Variants in RYR3 observed in about 807,000 individuals in gnomAD.
RYR3 encodes brain ryanodine receptor-calcium release channel.
In RYR3, 207 loss-of-function variants were observed where a neutral mutation model predicts 584.3. The observed-to-expected ratio is 0.35, with a 90% CI of 0.32 to 0.40. The LOEUF is 0.40. RYR3 is among the 10% of genes least tolerant of loss of function. The probability of loss-of-function intolerance (pLI) is 1.00; values close to 1 mark genes in which losing one functional copy is unlikely to be tolerated. For missense variants in RYR3, 5,616 were observed against 6,089.2 expected, an observed-to-expected ratio of 0.92 and a Z score of 2.59; for synonymous variants, 2,416 against 2,248.5, an observed-to-expected ratio of 1.07 and a Z score of -2.11.
At chr15:33,461,047 C>G (rs962316456) in intron 1 of RYR3, among the ~76,000 whole-genome samples, 1 of 149,684 alleles carries the variant, frequency 6.7e-6, no homozygotes, top group Non-Finnish European at 1.5e-5. Context: ...CGGGTTCACG[C>G]CATTCTCCTG....
intron 1 of RYR3, among the ~76,000 whole-genome samples, chr15:33,346,335 A>G (rs1972458526): frequency 6.6e-6 from 1 of 152,228 alleles, no homozygotes; most frequent in Non-Finnish European, 1.5e-5. Context: ...TTGTGTCTAC[A>G]TACTGACCTC....
At chr15:33,657,532 A>C (rs1013066968) in intron 32 of RYR3, among the ~76,000 whole-genome samples, 2 of 152,328 alleles carry the variant, frequency 1.3e-5, no homozygotes, top group African/African-American at 4.8e-5. Flanking sequence ...CAGCCCAGGG[A>C]CGACTCCTGC....
intron 70 of RYR3, among the ~76,000 whole-genome samples, chr15:33,808,133 C>T (rs1481624522): frequency 6.6e-6 from 1 of 152,220 alleles, no homozygotes; most frequent in Non-Finnish European, 1.5e-5. Context: ...CTGCTCTACA[C>T]TATGCAGTGA....
intron 27 of RYR3, among the ~76,000 whole-genome samples, chr15:33,637,804 T>C (rs2061574832): frequency 6.6e-6 from 1 of 152,006 alleles, no homozygotes; most frequent in African/African-American, 2.4e-5. Flanking sequence ...AGGTGTTTCT[T>C]TTTTTTTATT....
In RYR3 at chr15:33,603,219, A is replaced by C; in HGVS notation, c.2019A>C (p.Leu673=). 6.2e-7 allele frequency: 1 copy of C among 1,613,918 alleles called. No homozygotes were observed. Among genetic ancestry groups the C allele is most frequent in the South Asian group, 1.1e-5 (1 of 91,080 alleles). Residue 673 remains leucine, a synonymous_variant, in exon 18 of 104, where the codon CTA becomes CTC. Coordinates refer to ENST00000634891, the MANE Select transcript of RYR3 (RefSeq NM_001036.6). The part of the protein sequence containing the change: ...ELIIDQVDPF[L]TAEPTHLRVG... ...TTATCGACCAGGTGGACCCCTTCCT[A>C]ACAGCAGAGCCCACACATCTGCGGG...
chr15:33,646,210 C>T (rs536741534), intron 28 of RYR3, 141 bp from the exon 29 acceptor site: 15 of 644,980 alleles, frequency 2.3e-5, no homozygotes, highest in Non-Finnish European at 4.0e-5. Flanking sequence ...TGATGAGAAT[C>T]ATAGTTTGGT....
At chr15:33,473,273 C>G in intron 1 of RYR3, 146 bp from the exon 2 acceptor site, 1 of 926,478 alleles carries the variant, frequency 1.1e-6, no homozygotes, top group East Asian at 2.4e-5. Flanking sequence ...AAAAAATCTC[C>G]TTCCGTAATC....
intron 1 of RYR3, among the ~76,000 whole-genome samples, chr15:33,399,140 C>G (rs995610422): frequency 1.3e-5 from 2 of 152,158 alleles, no homozygotes; most frequent in African/African-American, 4.8e-5. Context: ...CTGGCATTAC[C>G]TTTGACAAGT....
Position 33,836,751 on chromosome 15 carries a change from C to T in RYR3, c.11569-155C>T, listed in dbSNP as rs115661644. Among the ~76,000 whole-genome samples the T allele has an allele frequency of 5.4e-3, 822 of 152,280 alleles. 6 individuals are homozygous for T. The highest frequency in any genetic ancestry group is 0.019 in the African/African-American group (789 of 41,538). ...GTCTCCCGGTGCTGCAAACAGTGGA[C>T]GATAAGGCATCCTCATTCAGAATGA... On this transcript the variant is annotated intron_variant, in intron 87 of 103. Coordinates refer to ENST00000634891, the MANE Select transcript of RYR3 (RefSeq NM_001036.6).
intron 19 of RYR3, among the ~76,000 whole-genome samples, chr15:33,618,321 T>A (rs1206877514): frequency 3.3e-5 from 5 of 152,210 alleles, no homozygotes; most frequent in Non-Finnish European, 5.9e-5. Flanking sequence ...GTGGTTGCTG[T>A]TTGTTTTCTG....
intron 67 of RYR3, among the ~76,000 whole-genome samples, chr15:33,799,512 T>G (rs1328946318): frequency 6.6e-6 from 1 of 152,230 alleles, no homozygotes; most frequent in Admixed American, 6.5e-5. Context: ...GGGAAGGTGG[T>G]GTGCCTGGAG....
intron 1 of RYR3, among the ~76,000 whole-genome samples, chr15:33,369,740 T>A (rs1050405954): frequency 6.6e-6 from 1 of 152,200 alleles, no homozygotes; most frequent in Non-Finnish European, 1.5e-5. Flanking sequence ...CCAGCACCTA[T>A]AACAGAGCAT....
At chr15:33,858,804 CTG>C (rs2080007434) in intron 99 of RYR3, 2 of 152,234 alleles carry the variant, frequency 1.3e-5, no homozygotes, top group Non-Finnish European at 1.5e-5. Context: ...GAAAAAGAAT[CTG>C]TGTCTCAGGG....
intron 1 of RYR3, among the ~76,000 whole-genome samples, chr15:33,418,377 C>T (rs2043982719): frequency 6.6e-6 from 1 of 150,984 alleles, no homozygotes; most frequent in South Asian, 2.1e-4. Context: ...CTGATTTACT[C>T]ATTATTGGTC....
intron 94 of RYR3, chr15:33,850,745 G>A (rs771012422): frequency 6.6e-6 from 1 of 151,668 alleles, no homozygotes; most frequent in African/African-American, 2.4e-5. Flanking sequence ...AAACCAAAAA[G>A]GTTAAAAAAA....
intron 38 of RYR3, among the ~76,000 whole-genome samples, chr15:33,674,895 T>A (rs1379412205): frequency 6.7e-5 from 9 of 134,374 alleles, no homozygotes; most frequent in Non-Finnish European, 1.1e-4. Flanking sequence ...ATAAAAAGAA[T>A]AGAATGGGTC....
intron 57 of RYR3, among the ~76,000 whole-genome samples, chr15:33,752,122 T>G (rs957412527): frequency 3.7e-4 from 57 of 152,178 alleles, no homozygotes; most frequent in African/African-American, 8.9e-4. Flanking sequence ...ATGCTGTTTT[T>G]GTTACTGTAG....
intron 16 of RYR3, among the ~76,000 whole-genome samples, chr15:33,589,697 A>G (rs1320592130): frequency 1.3e-5 from 2 of 152,216 alleles, no homozygotes; most frequent in African/African-American, 4.8e-5. Flanking sequence ...CAAAGTTGCC[A>G]GCACTGTTTG....
intron 1 of RYR3, among the ~76,000 whole-genome samples, chr15:33,338,058 C>T (rs1308000170): frequency 6.7e-6 from 1 of 148,878 alleles, no homozygotes; most frequent in Non-Finnish European, 1.5e-5. Context: ...CATTCTCTTG[C>T]CTCAGCCTCC....
Sources: gnomAD v4.1 joint callset for allele counts (sites outside exome capture counted in the v4.1 genomes callset) on GRCh38, gnomAD v4.1.1 for gene constraint, MANE v1.5 for transcripts, NCBI Gene and HGNC (gene_info 2026-07-23, HGNC 2026-07-21) for gene names.